The following MEIKIN variants were observed in gnomAD, a reference collection of about 807,000 sequenced individuals.
MEIKIN encodes meiosis-specific kinetochore protein.
chr5:131,923,188 C>T (rs559088699), intron 5 of MEIKIN, among the ~76,000 whole-genome samples: 29 of 152,184 alleles, frequency 1.9e-4, no homozygotes, highest in Admixed American at 3.3e-4. Flanking sequence ...ACTCCTGGTC[C>T]CTCTATATTT....
chr5:131,935,257 C>G (rs1334403609), intron 4 of MEIKIN, among the ~76,000 whole-genome samples: 2 of 138,276 alleles, frequency 1.4e-5, no homozygotes, highest in African/African-American at 5.5e-5. Context: ...ATAGTGGAAC[C>G]CCGTCTCTAC....
At chr5:131,939,649 T>C (rs1196673970) in intron 4 of MEIKIN, among the ~76,000 whole-genome samples, 1 of 152,190 alleles carries the variant, frequency 6.6e-6, no homozygotes, top group Non-Finnish European at 1.5e-5. Flanking sequence ...CAATAAATCA[T>C]ATGTTAACTA....
chr5:131,868,792 C>T (rs1004206735), intron 9 of MEIKIN, among the ~76,000 whole-genome samples: 1 of 151,996 alleles, frequency 6.6e-6, no homozygotes, highest in African/African-American at 2.4e-5. Flanking sequence ...CCTTGGCCTC[C>T]CAAAGTGCCA....
chr5:131,906,737 C>G (rs1374861520), intron 8 of MEIKIN, among the ~76,000 whole-genome samples: 3 of 152,058 alleles, frequency 2.0e-5, no homozygotes, highest in African/African-American at 4.8e-5. Context: ...AATCTGGAGG[C>G]CATTATTCTA....
At chr5:131,854,946 A>T (rs76138478) in intron 9 of MEIKIN, 112 bp from the exon 10 acceptor site, 102 of 385,440 alleles carry the variant, frequency 2.6e-4, no homozygotes, top group African/African-American at 2.0e-3. Context: ...TACAGTACTA[A>T]GAAAATCCTT....
chr5:131,847,723 A>G (rs1750043288), intron 11 of MEIKIN, among the ~76,000 whole-genome samples: 1 of 152,090 alleles, frequency 6.6e-6, no homozygotes, highest in Admixed American at 6.5e-5. Flanking sequence ...CAGCATATAT[A>G]TTCTTCTCAA....
intron 9 of MEIKIN, among the ~76,000 whole-genome samples, chr5:131,864,732 G>C (rs1242501493): frequency 6.6e-6 from 1 of 152,144 alleles, no homozygotes; most frequent in East Asian, 1.9e-4. Flanking sequence ...GGAAATCACT[G>C]AGCCTCCTGT....
intron 6 of MEIKIN, among the ~76,000 whole-genome samples, chr5:131,917,596 ACAGT>A (rs1331828297): frequency 3.3e-5 from 5 of 151,496 alleles, no homozygotes; most frequent in African/African-American, 4.8e-5. Context: ...TAGAAAACTC[ACAGT>A]CAAATACTAG....
chr5:131,870,650 T>C (rs924345380), intron 9 of MEIKIN, among the ~76,000 whole-genome samples: 3 of 152,214 alleles, frequency 2.0e-5, no homozygotes, highest in African/African-American at 4.8e-5. Context: ...CCACTAAAGA[T>C]GCTCAAAACG....
chr5:131,873,410 AC>A (rs1183642789), intron 9 of MEIKIN, among the ~76,000 whole-genome samples: 1 of 152,254 alleles, frequency 6.6e-6, no homozygotes, highest in Non-Finnish European at 1.5e-5. Flanking sequence ...GGAGGCCATT[AC>A]ATAATGGTAA....
chr5:131,922,549 T>C (rs1451993479), intron 5 of MEIKIN, among the ~76,000 whole-genome samples: 1 of 152,142 alleles, frequency 6.6e-6, no homozygotes, highest in Non-Finnish European at 1.5e-5. Context: ...GACTTCAGCA[T>C]CCACAGATTT....
intron 6 of MEIKIN, among the ~76,000 whole-genome samples, chr5:131,921,588 C>G (rs1751505947): frequency 6.6e-6 from 1 of 152,020 alleles, no homozygotes; most frequent in Non-Finnish European, 1.5e-5. Context: ...ACCTGGGAGA[C>G]AGAGGTTGCA....
At chr5:131,817,289 A>G (rs774271041) in intron 12 of MEIKIN, among the ~76,000 whole-genome samples, 1 of 152,102 alleles carries the variant, frequency 6.6e-6, no homozygotes, top group Non-Finnish European at 1.5e-5. Flanking sequence ...TTCAGCCTCC[A>G]TAACCACATT....
At chr5:131,860,485 G>A (rs1750265195) in intron 9 of MEIKIN, among the ~76,000 whole-genome samples, 1 of 151,284 alleles carries the variant, frequency 6.6e-6, no homozygotes, top group East Asian at 1.9e-4. Context: ...TTGCTCTGTT[G>A]CCCACACTGG....
intron 11 of MEIKIN, among the ~76,000 whole-genome samples, chr5:131,845,349 C>T (rs866686193): frequency 7.5e-6 from 1 of 133,682 alleles, no homozygotes; most frequent in African/African-American, 2.8e-5. Context: ...ACATTTACTA[C>T]ATTATTATAT....
intron 8 of MEIKIN, among the ~76,000 whole-genome samples, chr5:131,896,451 T>C (rs1379785734): frequency 6.6e-6 from 1 of 152,230 alleles, no homozygotes; most frequent in Non-Finnish European, 1.5e-5. Context: ...GTTAACCTTC[T>C]GTCTCACTGA....
intron 8 of MEIKIN, among the ~76,000 whole-genome samples, chr5:131,879,938 G>A (rs936626317): frequency 3.3e-5 from 5 of 151,640 alleles, no homozygotes; most frequent in Admixed American, 1.3e-4. Flanking sequence ...TTCTTTTTTT[G>A]AGATGGAGTC....
rs1174806850 is a variant in MEIKIN, at chr5:131,907,868, T to C, written c.703+3947A>G. On this transcript the variant is annotated intron_variant, in intron 8 of 12. Transcript: ENST00000442687. ...ACCTGGGCAACAGAGTGAGACTCCGTCTCAAAATAAATAAATAAATAAATC... is the reference window on the plus strand; with the variant it reads ...ACCTGGGCAACAGAGTGAGACTCCGCCTCAAAATAAATAAATAAATAAATC... Among the ~76,000 whole-genome samples the C allele has an allele frequency of 2.0e-5, 3 of 151,926 alleles. No individual in the cohort carries two copies. The South Asian group carries it at 6.3e-4, about 32-fold the overall frequency.
chr5:131,894,095 C>A (rs1750989173), intron 8 of MEIKIN, among the ~76,000 whole-genome samples: 2 of 152,152 alleles, frequency 1.3e-5, no homozygotes, highest in South Asian at 4.1e-4. Flanking sequence ...AGGAAGGGAT[C>A]CAGTTTCAGC....
Sources: allele counts gnomAD v4.1 joint callset (sites outside exome capture counted in the v4.1 genomes callset), GRCh38; gene constraint gnomAD v4.1.1; transcripts MANE v1.5; gene names NCBI Gene and HGNC (gene_info 2026-07-23, HGNC 2026-07-21).